Variants in ZNF469 observed in about 807,000 individuals in gnomAD.
The protein encoded by ZNF469 is zinc finger protein 469.
In ZNF469, 1 loss-of-function variant was observed where a neutral mutation model predicts 1.0. The ratio of observed to expected loss-of-function variants is 1.00; its 90% confidence interval spans 0.35 to 4.73. ZNF469 has a LOEUF of 4.73. Among genes scored for constraint, ZNF469 ranks in the 30% most tolerant of loss-of-function variants. The probability of loss-of-function intolerance (pLI) is 0.16; values close to 1 mark genes in which losing one functional copy is unlikely to be tolerated. For synonymous variants in ZNF469, 2,703 were observed against 2,363.4 expected (o/e 1.14, Z -4.17); for missense variants, 6,100 against 5,356.3 (o/e 1.14, Z -4.33).
rs886052401 is a variant in ZNF469, at chr16:88,430,725, G to C, written c.3255G>C (p.Glu1085Asp). ...LAAGRPRPGAEDRRLREYDFA... is the reference protein window; with the variant it reads ...LAAGRPRPGADDRRLREYDFA... Reference sequence around the variant, plus strand: ...CGGGGAGGCCCCGGCCCGGAGCTGAGGACCGCAGGCTCCGCGAGTACGACT... The same window carrying C: ...CGGGGAGGCCCCGGCCCGGAGCTGACGACCGCAGGCTCCGCGAGTACGACT... Residue 1085 changes from glutamate (E) to aspartate (D), a missense_variant, in exon 3 of 3, where the codon GAG becomes GAC. Coordinates refer to ENST00000565624, the MANE Select transcript of ZNF469 (RefSeq NM_001367624.2). The C allele has an allele frequency of 1.9e-5, 28 of 1,498,676 alleles. No individual in the cohort carries two copies. The East Asian group carries it at 6.9e-4, about 37-fold the overall frequency. 92.8% of individuals were successfully genotyped at this position (1,498,676 alleles called of 1,614,324 possible). A position where few individuals can be genotyped will look rare whatever the true frequency, so the allele number is the denominator to read the frequency against.
the ZNF469 span, among the ~76,000 whole-genome samples, chr16:88,190,651 A>G: frequency 3.3e-5 from 5 of 152,196 alleles, no homozygotes; most frequent in Non-Finnish European, 5.9e-5. Context: ...GTGTCTTAGA[A>G]GCATCTCTGT....
chr16:88,312,669 GC>G, the ZNF469 span, among the ~76,000 whole-genome samples: 1 of 151,722 alleles, frequency 6.6e-6, no homozygotes, highest in African/African-American at 2.4e-5. Context: ...TTGTTTTTTT[GC>G]CCTTAAGTCT....
At position 88,434,873 on chromosome 16, in the gene ZNF469, C is replaced by T. The variant is rs751675982; in HGVS notation, c.7403C>T (p.Pro2468Leu). ...TENGQWKGQA[P>L]HGPVTCEVCA... ...AACGGCCAGTGGAAGGGCCAAGCTC[C>T]ACATGGGCCTGTGACCTGTGAGGTC... Residue 2468 changes from proline (P) to leucine (L), a missense_variant, in exon 3 of 3, where the codon CCA becomes CTA. Coordinates refer to ENST00000565624, the MANE Select transcript of ZNF469 (RefSeq NM_001367624.2). 7.1e-6 allele frequency: 11 copies of T among 1,550,380 alleles called. No homozygotes were observed. Among genetic ancestry groups the T allele is most frequent in the Middle Eastern group, 1.7e-4 (1 of 5,992 alleles).
At chr16:88,307,399 A>G in the ZNF469 span, among the ~76,000 whole-genome samples, 2 of 152,236 alleles carry the variant, frequency 1.3e-5, no homozygotes, top group African/African-American at 4.8e-5. Flanking sequence ...TACAGTTAAC[A>G]TTCCAAGAGG....
At chr16:88,246,936 T>C in the ZNF469 span, among the ~76,000 whole-genome samples, 1 of 148,452 alleles carries the variant, frequency 6.7e-6, no homozygotes, top group East Asian at 2.0e-4. Flanking sequence ...AGTGAGTGAA[T>C]GAGTAAGTGA....
rs1343023453 is a variant in ZNF469, at chr16:88,427,643, T to C, written c.173T>C (p.Met58Thr). The change falls in exon 3 of 3, where the codon ATG becomes ACG. Residue 58 changes from methionine to threonine, a missense_variant. Transcript: ENST00000565624. Reference protein sequence around the residue: ...AREAGGQAQAMELPEAQPRQA... With the variant: ...AREAGGQAQATELPEAQPRQA... The stretch of plus-strand genomic sequence containing the variant: ...GAGGCTGGCGGCCAGGCCCAGGCCA[T>C]GGAGCTCCCCGAGGCCCAGCCAAGG... 26 of 1,536,880 alleles carry C rather than the reference T, an allele frequency of 1.7e-5. No individual in the cohort carries two copies. The highest frequency in any genetic ancestry group is 2.3e-5 in the Non-Finnish European group (26 of 1,146,136).
the ZNF469 span, among the ~76,000 whole-genome samples, chr16:88,297,278 G>C: frequency 5.3e-5 from 8 of 152,212 alleles, no homozygotes; most frequent in Non-Finnish European, 7.4e-5. Flanking sequence ...CGGGGGGCTG[G>C]CTTCAGGTAT....
chr16:88,234,926 G>A, the ZNF469 span: 1 of 152,444 alleles, frequency 6.6e-6, no homozygotes, highest in African/African-American at 2.4e-5. Flanking sequence ...CTTGGCCCTG[G>A]GAAGGGTGTG....
rs775593194 is a variant in ZNF469, at chr16:88,430,201, C to T, written c.2731C>T (p.Pro911Ser). 4.5e-6 allele frequency: 7 copies of T among 1,546,154 alleles called. No homozygotes were observed. The highest frequency in any genetic ancestry group is 2.7e-5 in the African/African-American group (2 of 72,958). ...AGCAGCCACGCCGGACCCCCAAACC[C>T]CCCGCCCTGGGGACAGGGGCTGCCC... ...LPAATPDPQTPRPGDRGCPAR... is the reference protein window; with the variant it reads ...LPAATPDPQTSRPGDRGCPAR... The change falls in exon 3 of 3, where the codon CCC (proline) becomes TCC (serine). Residue 911 changes from proline (P) to serine (S), a missense_variant. Physicochemically the swap from Pro to Ser is moderately conservative, Grantham distance 74. Transcript: ENST00000565624.
the ZNF469 span, among the ~76,000 whole-genome samples, chr16:88,306,876 A>T: frequency 6.6e-6 from 1 of 152,258 alleles, no homozygotes; most frequent in Non-Finnish European, 1.5e-5. Context: ...CATAAAAGTC[A>T]TTCTTTTAAT....
In ZNF469 at chr16:88,436,981, A is replaced by G; in HGVS notation, c.9511A>G (p.Lys3171Glu). ...CCTGCAGGAGAGGCACGCGCAGAGC[A>G]AGGCCGGGCCCTGGGCGTGCGGCAT... ...GHLQERHAQS[K>E]AGPWACGMCL... is the part of the protein sequence containing the mutation. Residue 3171 changes from lysine to glutamate, a missense_variant, in exon 3 of 3, where the codon AAG (lysine) becomes GAG (glutamate). By Grantham distance (56) the Lys-to-Glu change is moderately conservative. Coordinates refer to ENST00000565624, the MANE Select transcript of ZNF469 (RefSeq NM_001367624.2). 1 of 1,513,702 alleles carries G rather than the reference A, an allele frequency of 6.6e-7. No individual in the cohort carries two copies. The highest frequency in any genetic ancestry group is 1.2e-5 in the South Asian group (1 of 80,898). 93.8% of individuals were successfully genotyped at this position (1,513,702 alleles called of 1,614,324 possible). A position where few individuals can be genotyped will look rare whatever the true frequency, so the allele number is the denominator to read the frequency against.
At chr16:88,342,621 C>T in the ZNF469 span, among the ~76,000 whole-genome samples, 1 of 152,226 alleles carries the variant, frequency 6.6e-6, no homozygotes, top group African/African-American at 2.4e-5. Flanking sequence ...GCCCGTCATG[C>T]AGAGGCGGCT....
the ZNF469 span, among the ~76,000 whole-genome samples, chr16:88,198,202 A>G: frequency 6.6e-6 from 1 of 152,248 alleles, no homozygotes; most frequent in African/African-American, 2.4e-5. Flanking sequence ...TGCGTGACAG[A>G]AGGACGTATC....
chr16:88,356,023 A>G, the ZNF469 span, among the ~76,000 whole-genome samples: 4 of 152,122 alleles, frequency 2.6e-5, no homozygotes, highest in African/African-American at 9.7e-5. Context: ...TGAGGAGGAG[A>G]GGACCCTAGA....
At chr16:88,403,126 T>C (rs540849847) in intron 1 of ZNF469, among the ~76,000 whole-genome samples, 2 of 152,222 alleles carry the variant, frequency 1.3e-5, no homozygotes, top group Non-Finnish European at 2.9e-5. Context: ...GGAGAGAACC[T>C]TGGGTGGAGG....
Position 88,435,611 on chromosome 16 carries a change from T to G in ZNF469, c.8141T>G (p.Leu2714Arg). 1 of 1,550,270 alleles carries G rather than the reference T, an allele frequency of 6.5e-7. No individual in the cohort carries two copies. Among genetic ancestry groups the G allele is most frequent in the South Asian group, 1.2e-5 (1 of 84,060 alleles). The change falls in exon 3 of 3, where the codon CTG becomes CGG. Residue 2714 changes from leucine (L) to arginine (R), a missense_variant. Physicochemically the swap from Leu to Arg is moderately radical, Grantham distance 102 (BLOSUM62 -2). Coordinates refer to ENST00000565624, the MANE Select transcript of ZNF469 (RefSeq NM_001367624.2). Reference sequence around the variant, plus strand: ...GCAGCGGAGACTGACCAGGAGGCTCTGTGTGCAGGGGAGACTGGGGCCCAG... The same window carrying G: ...GCAGCGGAGACTGACCAGGAGGCTCGGTGTGCAGGGGAGACTGGGGCCCAG... The part of the protein sequence containing the change: ...EGAAETDQEA[L>R]CAGETGAQKP...
the ZNF469 span, among the ~76,000 whole-genome samples, chr16:88,159,850 C>G: frequency 4.6e-5 from 7 of 152,086 alleles, no homozygotes; most frequent in African/African-American, 1.7e-4. Flanking sequence ...CAAGGATGGT[C>G]CCTGAGGGAT....
chr16:88,340,555 G>A, the ZNF469 span, among the ~76,000 whole-genome samples: 8 of 152,232 alleles, frequency 5.3e-5, no homozygotes, highest in African/African-American at 1.9e-4. Context: ...TAGGACTGGG[G>A]AGTGCTGGGC....
At chr16:88,225,321 A>G in the ZNF469 span, among the ~76,000 whole-genome samples, 1 of 152,226 alleles carries the variant, frequency 6.6e-6, no homozygotes, top group Non-Finnish European at 1.5e-5. Context: ...CATTGACTCG[A>G]TTCAGAGTCC....
Sources: gnomAD v4.1 joint callset for allele counts (sites outside exome capture counted in the v4.1 genomes callset) on GRCh38, gnomAD v4.1.1 for gene constraint, MANE v1.5 for transcripts, NCBI Gene and HGNC (gene_info 2026-07-23, HGNC 2026-07-21) for gene names.